Variants in RNF216 observed in about 807,000 individuals in gnomAD.
RNF216 encodes the protein ring finger protein 216.
Under a neutral mutation model 110.8 loss-of-function variants are expected in RNF216, and 72 were observed. That is an observed-to-expected ratio of 0.65 (90% CI 0.54 to 0.79). RNF216 has a LOEUF of 0.79. RNF216 is among the 30% of genes least tolerant of loss of function. The probability of loss-of-function intolerance (pLI) is 0.00; values close to 1 mark genes in which losing one functional copy is unlikely to be tolerated. For synonymous variants in RNF216, 495 were observed against 407.5 expected (o/e 1.21, Z -2.59); for missense variants, 1,342 against 1,141.2 (o/e 1.18, Z -2.54).
chr7:5,744,678 A>G (rs1016699069), intron 3 of RNF216, among the ~76,000 whole-genome samples: 1 of 152,168 alleles, frequency 6.6e-6, no homozygotes, highest in Non-Finnish European at 1.5e-5. Flanking sequence ...CGAAGAAATA[A>G]AGAAAACTTC....
At chr7:5,753,087 A>T (rs1795418786) in intron 2 of RNF216, 108 bp from the exon 3 acceptor site, 1 of 1,088,350 alleles carries the variant, frequency 9.2e-7, no homozygotes, top group Admixed American at 2.9e-5. Context: ...CATGGCTACT[A>T]GTGTAACGTA....
chr7:5,741,076 G>T lies in RNF216; in HGVS notation c.941C>A (p.Ala314Asp). 6.2e-7 allele frequency: 1 copy of T among 1,614,112 alleles called. No homozygotes were observed. Among genetic ancestry groups the T allele is most frequent in the East Asian group, 2.2e-5 (1 of 44,882 alleles). The change falls in exon 4 of 17, where the codon GCC (alanine) becomes GAC (aspartate). Residue 314 changes from alanine (A) to aspartate (D), a missense_variant. Coordinates refer to ENST00000389902, the MANE Select transcript of RNF216 (RefSeq NM_207111.4). ...LASDDEEPGPAFPMQESQEPN... is the reference protein window; with the variant it reads ...LASDDEEPGPDFPMQESQEPN... ...CTCTTGAGATTCTTGCATTGGAAAGGCTGGACCTGGCTCTTCATCATCACT... is the reference window on the plus strand; with the variant it reads ...CTCTTGAGATTCTTGCATTGGAAAGTCTGGACCTGGCTCTTCATCATCACT...
intron 4 of RNF216, 23 bp downstream of exon 4, chr7:5,740,950 T>C: frequency 1.3e-6 from 2 of 1,562,416 alleles, no homozygotes; most frequent in South Asian, 1.2e-5. Context: ...GTGTCTACAT[T>C]TACTTGATAA....
At chr7:5,647,328 C>CTTTTTTTTTTTTT (rs10617479) in intron 14 of RNF216, among the ~76,000 whole-genome samples, 63 of 94,766 alleles carry the variant, frequency 6.6e-4, no homozygotes, top group East Asian at 1.6e-3. Flanking sequence ...TTCTTTCTTT[C>CTTTTTTTTTTTTT]TTTTTTTTTT....
At chr7:5,739,477 CTG>C (rs1183340061) in intron 4 of RNF216, 125 bp from the exon 5 acceptor site, 4 of 904,874 alleles carry the variant, frequency 4.4e-6, no homozygotes, top group African/African-American at 1.6e-5. Context: ...TGAAGCAGGT[CTG>C]TGTGTGTCTT....
chr7:5,650,563 A>C (rs1196611767), intron 14 of RNF216, among the ~76,000 whole-genome samples: 2 of 149,674 alleles, frequency 1.3e-5, no homozygotes, highest in African/African-American at 4.9e-5. Flanking sequence ...AGGTTGTAGG[A>C]CCGGGGTCTC....
chr7:5,732,537 T>G (rs2128645282), intron 5 of RNF216, among the ~76,000 whole-genome samples: 1 of 152,358 alleles, frequency 6.6e-6, no homozygotes, highest in South Asian at 2.1e-4. Context: ...ACTGAAATGC[T>G]ACAGACATGA....
At chr7:5,734,400 C>T (rs1395693843) in intron 5 of RNF216, among the ~76,000 whole-genome samples, 1 of 152,096 alleles carries the variant, frequency 6.6e-6, no homozygotes, top group Non-Finnish European at 1.5e-5. Context: ...AGGATAGCAA[C>T]GTTCTATTTC....
At chr7:5,737,089 A>C (rs1387245984) in intron 5 of RNF216, among the ~76,000 whole-genome samples, 1 of 152,252 alleles carries the variant, frequency 6.6e-6, no homozygotes, top group African/African-American at 2.4e-5. Context: ...AAAAGGGGGA[A>C]ATGTGGGGAA....
At chr7:5,669,005 A>G (rs1345146765) in intron 13 of RNF216, among the ~76,000 whole-genome samples, 3 of 152,254 alleles carry the variant, frequency 2.0e-5, no homozygotes, top group South Asian at 2.1e-4. Context: ...GAGCAGGAGC[A>G]TAAGTGATTT....
intron 1 of RNF216, among the ~76,000 whole-genome samples, chr7:5,768,346 TACACACACACACACACACACAC>T (rs71004702): frequency 2.6e-4 from 19 of 71,942 alleles, no homozygotes; most frequent in South Asian, 1.8e-3. Flanking sequence ...GGCAGGCAAA[TACACACACACACACACACACAC>T]ACACACACAC....
chr7:5,733,668 A>C, intron 5 of RNF216, among the ~76,000 whole-genome samples: 1 of 151,850 alleles, frequency 6.6e-6, no homozygotes, highest in African/African-American at 2.4e-5. Flanking sequence ...TTAACCAAAA[A>C]AAAAAAAAAA....
At chr7:5,747,257 A>C (rs1795075350) in intron 3 of RNF216, among the ~76,000 whole-genome samples, 1 of 152,262 alleles carries the variant, frequency 6.6e-6, no homozygotes, top group Non-Finnish European at 1.5e-5. Flanking sequence ...GAAGACTTTC[A>C]GACATTTTTT....
chr7:5,624,422 G>C lies in RNF216; in HGVS notation c.2383-297C>G, dbSNP rs1028272279. 6.6e-6 allele frequency among the ~76,000 whole-genome samples: 1 copy of C among 152,250 alleles called. No individual in the cohort carries two copies. Among genetic ancestry groups the C allele is most frequent in the Non-Finnish European group, 1.5e-5 (1 of 68,032 alleles). Reference sequence around the variant, plus strand: ...ATGGAGGGCCTCCATGCACTGAGCTGCGTGCAAGTGGTGGATATGAGAAGG... The same window carrying C: ...ATGGAGGGCCTCCATGCACTGAGCTCCGTGCAAGTGGTGGATATGAGAAGG... On this transcript the variant is annotated intron_variant, in intron 15 of 16. Coordinates refer to ENST00000389902, the MANE Select transcript of RNF216 (RefSeq NM_207111.4). This position sits in a 1 kb window ranked among gnomAD's most constrained non-coding sequence, Gnocchi z 4.4.
intron 13 of RNF216, among the ~76,000 whole-genome samples, chr7:5,657,470 G>A (rs139104500): frequency 0.018 from 2,670 of 152,276 alleles, 35 homozygotes; most frequent in Non-Finnish European, 0.028. Context: ...AGGAGGCTGA[G>A]GCAGGAGAAT....
At chr7:5,670,426 G>C (rs967613334) in intron 13 of RNF216, among the ~76,000 whole-genome samples, 2 of 152,164 alleles carry the variant, frequency 1.3e-5, no homozygotes, top group African/African-American at 4.8e-5. Context: ...AGAACTAGAG[G>C]AGAGTGCTGA....
chr7:5,622,700 G>A lies in RNF216; in HGVS notation c.*160C>T. The A allele has an allele frequency of 2.8e-6, 2 of 705,358 alleles. No individual in the cohort carries two copies. Among genetic ancestry groups the A allele is most frequent in the Non-Finnish European group, 4.7e-6 (2 of 421,138 alleles). 43.7% of individuals were successfully genotyped at this position (705,358 alleles called of 1,614,324 possible). A position where few individuals can be genotyped will look rare whatever the true frequency, so the allele number is the denominator to read the frequency against. ...TATTATGGATCCGTCCACTCTTCCA[G>A]GAGCAGTAGCCCTTCTAGGAAAGGG... On this transcript the variant is annotated 3_prime_UTR_variant, in exon 17 of 17. Transcript: ENST00000389902.
chr7:5,734,249 T>C (rs1422124893), intron 5 of RNF216, among the ~76,000 whole-genome samples: 1 of 152,204 alleles, frequency 6.6e-6, no homozygotes, highest in Non-Finnish European at 1.5e-5. Context: ...CTAAGTGGTA[T>C]AAATGGAATA....
intron 13 of RNF216, among the ~76,000 whole-genome samples, chr7:5,697,943 G>A (rs1182042279): frequency 6.6e-6 from 1 of 152,180 alleles, no homozygotes; most frequent in African/African-American, 2.4e-5. Context: ...TCAAAGATAA[G>A]AGCGGAAGAA....
Sources: allele counts gnomAD v4.1 joint callset (sites outside exome capture counted in the v4.1 genomes callset), GRCh38; gene constraint gnomAD v4.1.1; non-coding constraint Gnocchi (gnomAD v3.1); transcripts MANE v1.5; gene names NCBI Gene and HGNC (gene_info 2026-07-23, HGNC 2026-07-21).